The following PDIA6 variants were observed in gnomAD, a reference collection of about 807,000 sequenced individuals.
PDIA6 encodes the protein protein disulfide isomerase family A member 6, also known as protein disulfide-isomerase A6.
PDIA6 carries 29 observed loss-of-function variants against 58.4 expected under a neutral mutation model. That is an observed-to-expected ratio of 0.50 (90% CI 0.37 to 0.68). The LOEUF is 0.68. PDIA6 is among the 30% of genes least tolerant of loss of function. The pLI, the probability that PDIA6 is intolerant of heterozygous loss-of-function variation, is 0.00. For missense variants in PDIA6, 480 were observed against 551.0 expected (o/e 0.87, Z 1.29); for synonymous variants, 192 against 202.6 (o/e 0.95, Z 0.44).
chr2:10,790,098 C>T (rs1488358206), intron 7 of PDIA6, among the ~76,000 whole-genome samples: 5 of 151,960 alleles, frequency 3.3e-5, no homozygotes, highest in Non-Finnish European at 7.4e-5. Flanking sequence ...CCTACTTCAG[C>T]CTCCTGAGTA....
intron 10 of PDIA6, among the ~76,000 whole-genome samples, 183 bp downstream of exon 10, chr2:10,788,514 G>C (rs542110035): frequency 6.6e-6 from 1 of 151,726 alleles, no homozygotes; most frequent in East Asian, 1.9e-4. Flanking sequence ...AAATTAGCTG[G>C]GTGTGGTGGC....
intron 1 of PDIA6, among the ~76,000 whole-genome samples, chr2:10,808,938 G>A (rs1369109183): frequency 2.6e-5 from 4 of 152,020 alleles, no homozygotes; most frequent in African/African-American, 9.7e-5. Context: ...CGATTCTCCC[G>A]TCTCAGGATT....
At chr2:10,814,327 T>A (rs1667124016), upstream of PDIA6, among the ~76,000 whole-genome samples, 1 of 152,106 alleles carries the variant, frequency 6.6e-6, no homozygotes, top group Non-Finnish European at 1.5e-5. Context: ...ATGCCAGCAT[T>A]GATTTTCCCC....
chr2:10,785,992 G>A (rs1665715587), intron 11 of PDIA6, among the ~76,000 whole-genome samples: 1 of 152,104 alleles, frequency 6.6e-6, no homozygotes, highest in Non-Finnish European at 1.5e-5. Flanking sequence ...GGAATTACAG[G>A]CGTGAGCCAC....
chr2:10,802,743 C>G, intron 1 of PDIA6, 103 bp from the exon 2 acceptor site: 5 of 882,734 alleles, frequency 5.7e-6, no homozygotes, highest in Non-Finnish European at 7.8e-6. Flanking sequence ...GCCCTTCACA[C>G]AGGAGGACGG....
upstream of PDIA6, among the ~76,000 whole-genome samples, chr2:10,833,166 C>T (rs982780882): frequency 4.6e-5 from 7 of 152,156 alleles, no homozygotes; most frequent in Non-Finnish European, 8.8e-5. Flanking sequence ...GGGACAGCCC[C>T]GCTCCCTCGA....
At chr2:10,786,363 TGA>T (rs967695043) in intron 11 of PDIA6, among the ~76,000 whole-genome samples, 2 of 151,548 alleles carry the variant, frequency 1.3e-5, no homozygotes, top group Non-Finnish European at 2.9e-5. Flanking sequence ...CCAACTACAA[TGA>T]GAGAGAGCTG....
chr2:10,837,435 G>C (rs1020466188), upstream of PDIA6: 25 of 651,286 alleles, frequency 3.8e-5, no homozygotes, highest in Admixed American at 6.1e-4. Flanking sequence ...ATAAAAATGA[G>C]GGGGAGAAAA....
intron 4 of PDIA6, 21 bp downstream of exon 4, chr2:10,797,060 G>A: frequency 6.2e-7 from 1 of 1,609,800 alleles, no homozygotes; most frequent in Non-Finnish European, 8.5e-7. Flanking sequence ...GGGGAATGAA[G>A]TAGCTAGGAA....
intron 1 of PDIA6, among the ~76,000 whole-genome samples, chr2:10,826,137 T>C (rs529528304): frequency 1.8e-4 from 28 of 152,332 alleles, no homozygotes; most frequent in African/African-American, 6.5e-4. Context: ...ATTATTCAGC[T>C]ATTAAAAGGA....
At chr2:10,806,994 A>T (rs1437776345) in intron 1 of PDIA6, among the ~76,000 whole-genome samples, 1 of 152,258 alleles carries the variant, frequency 6.6e-6, no homozygotes, top group African/African-American at 2.4e-5. Flanking sequence ...CTGATACAAT[A>T]GCAATTAAAG....
rs184643629 is a variant in PDIA6, at chr2:10,791,677, G to A, written c.584+118C>T. The A allele has an allele frequency of 4.7e-5, 42 of 899,896 alleles. No homozygotes were observed. In the East Asian group the frequency reaches 1.1e-3, roughly 23 times the overall value. 55.7% of individuals were successfully genotyped at this position (899,896 alleles called of 1,614,324 possible). On this transcript the variant is annotated intron_variant, in intron 6 of 12. Coordinates refer to ENST00000272227, the MANE Select transcript of PDIA6 (RefSeq NM_005742.4). ...TGTTTAATATTCACTTAGAGTCAGA[G>A]TTTTGCTGGAAGAGATCTTAGTGGT...
At chr2:10,819,279 G>A (rs1479224552) in exon 2 of PDIA6, 6 of 1,520,770 alleles carry the variant, frequency 3.9e-6, no homozygotes, top group Admixed American at 2.0e-5. Context: ...CTTACCGGGT[G>A]CATTAGCCAT....
upstream of PDIA6, among the ~76,000 whole-genome samples, chr2:10,833,100 A>G (rs1318048172): frequency 6.6e-6 from 1 of 152,022 alleles, no homozygotes; most frequent in African/African-American, 2.4e-5. Context: ...AGCAGTCAGA[A>G]AGCATCCCCT....
At chr2:10,832,518 C>G (rs1667737819), upstream of PDIA6, 4 of 789,074 alleles carry the variant, frequency 5.1e-6, no homozygotes, top group Admixed American at 2.5e-4. Flanking sequence ...CAAGGGGGCG[C>G]TCTGCCCTTG....
chr2:10,812,335 T>C (rs997262571), intron 1 of PDIA6, among the ~76,000 whole-genome samples: 1 of 134,726 alleles, frequency 7.4e-6, no homozygotes, highest in African/African-American at 2.6e-5. Context: ...CAAGCTCCCC[T>C]GCGACTCTCC....
At chr2:10,816,356 G>A (rs1667193169), upstream of PDIA6, among the ~76,000 whole-genome samples, 1 of 150,274 alleles carries the variant, frequency 6.7e-6, no homozygotes, top group African/African-American at 2.4e-5. Flanking sequence ...AAAGTGCTGG[G>A]ATTATAGGCG....
At chr2:10,786,362 A>G (rs1022522031) in intron 11 of PDIA6, among the ~76,000 whole-genome samples, 1 of 151,946 alleles carries the variant, frequency 6.6e-6, no homozygotes, top group South Asian at 2.1e-4. Flanking sequence ...ACCAACTACA[A>G]TGAGAGAGAG....
At chr2:10,827,371 ATATT>A (rs1667581192) in intron 1 of PDIA6, among the ~76,000 whole-genome samples, 1 of 152,048 alleles carries the variant, frequency 6.6e-6, no homozygotes, top group Non-Finnish European at 1.5e-5. Flanking sequence ...CCTTATTTAC[ATATT>A]TATTTGTTTA....
Sources: allele counts gnomAD v4.1 joint callset (sites outside exome capture counted in the v4.1 genomes callset), GRCh38; gene constraint gnomAD v4.1.1; transcripts MANE v1.5; gene names NCBI Gene and HGNC (gene_info 2026-07-23, HGNC 2026-07-21).